SPOCK1: variants seen among roughly 807,000 people sequenced by gnomAD.
SPOCK1 encodes the protein testican-1.
In SPOCK1, 23 loss-of-function variants were observed where a neutral mutation model predicts 55.3. The ratio of observed to expected loss-of-function variants is 0.42; its 90% CI spans 0.30 to 0.59. The LOEUF (loss-of-function observed/expected upper bound fraction) is 0.59, where lower values mean the gene tolerates loss of function less well. SPOCK1 is among the 20% of genes least tolerant of loss of function. The pLI is 0.22. For missense variants in SPOCK1, 499 were observed against 552.5 expected, an observed-to-expected ratio of 0.90 and a Z score of 0.97; for synonymous variants, 226 against 221.0, an observed-to-expected ratio of 1.02 and a Z score of -0.20.
chr5:137,157,919 G>A (rs1239667702), intron 3 of SPOCK1, among the ~76,000 whole-genome samples: 1 of 152,186 alleles, frequency 6.6e-6, no homozygotes, highest in East Asian at 1.9e-4. Context: ...AAAATTGGCT[G>A]GGTGTGGTGG....
rs182730834 is a variant in SPOCK1, at chr5:137,139,813, G to A, written c.347+767C>T. ...CTGACTCCCTTCTTAAAGAAAGCCC[G>A]TTTGCATGTGTATGTTTGTTTGCTT... On this transcript the variant is annotated intron_variant, in intron 4 of 10. Transcript: ENST00000394945. 4.3e-3 allele frequency among the ~76,000 whole-genome samples: 648 copies of A among 152,258 alleles called. 2 individuals are homozygous for A. Among genetic ancestry groups the A allele is most frequent in the African/African-American group, 0.01 (421 of 41,548 alleles).
intron 2 of SPOCK1, among the ~76,000 whole-genome samples, chr5:137,487,355 C>T (rs1404123754): frequency 7.3e-6 from 1 of 137,004 alleles, no homozygotes; most frequent in African/African-American, 2.8e-5. Flanking sequence ...AAAAAAAAAA[C>T]CTCTGGCCAA....
chr5:137,414,744 T>A (rs997049454), intron 2 of SPOCK1, among the ~76,000 whole-genome samples: 4 of 152,198 alleles, frequency 2.6e-5, no homozygotes, highest in African/African-American at 9.7e-5. Context: ...AAGCACTCTG[T>A]GTTTCTGGAA....
At chr5:137,075,974 G>A (rs543020528) in intron 5 of SPOCK1, among the ~76,000 whole-genome samples, 3 of 152,310 alleles carry the variant, frequency 2.0e-5, no homozygotes, top group Non-Finnish European at 4.4e-5. Context: ...CTGGGATTTC[G>A]GAGAATAGTG....
At chr5:137,255,485 C>A (rs1320234196) in intron 3 of SPOCK1, among the ~76,000 whole-genome samples, 10 of 152,180 alleles carry the variant, frequency 6.6e-5, no homozygotes, top group African/African-American at 2.4e-4. Context: ...CAAATGTTTT[C>A]ATCTATTCGT....
intron 2 of SPOCK1, among the ~76,000 whole-genome samples, chr5:137,446,275 T>A (rs538344513): frequency 5.3e-5 from 8 of 151,754 alleles, no homozygotes; most frequent in Non-Finnish European, 1.2e-4. Context: ...TAAAAATCGT[T>A]AACAGCAGAG....
intron 3 of SPOCK1, among the ~76,000 whole-genome samples, chr5:137,231,301 C>T (rs1756057751): frequency 6.6e-6 from 1 of 152,184 alleles, no homozygotes; most frequent in Admixed American, 6.5e-5. Flanking sequence ...CCCACTTCAG[C>T]CTCCCAAAGT....
chr5:137,190,707 T>C (rs1755164763), intron 3 of SPOCK1, among the ~76,000 whole-genome samples: 1 of 152,160 alleles, frequency 6.6e-6, no homozygotes, highest in Admixed American at 6.5e-5. Flanking sequence ...GAAATCCTTT[T>C]CCCACCCTGT....
intron 2 of SPOCK1, among the ~76,000 whole-genome samples, chr5:137,477,369 GT>G (rs371366624): frequency 6.6e-6 from 1 of 151,968 alleles, no homozygotes; most frequent in Admixed American, 6.6e-5. Context: ...TTTTGTTTGT[GT>G]TTTTTTTAAG....
intron 3 of SPOCK1, among the ~76,000 whole-genome samples, chr5:137,150,269 C>A (rs987579595): frequency 6.6e-6 from 1 of 152,104 alleles, no homozygotes; most frequent in African/African-American, 2.4e-5. Flanking sequence ...ATGAAGCCAC[C>A]CTACAACAAA....
At chr5:137,237,366 G>C (rs1348839840) in intron 3 of SPOCK1, among the ~76,000 whole-genome samples, 1 of 152,070 alleles carries the variant, frequency 6.6e-6, no homozygotes, top group Admixed American at 6.5e-5. Context: ...CATCTACTTA[G>C]TCCCAGGAAG....
intron 6 of SPOCK1, among the ~76,000 whole-genome samples, chr5:137,063,796 A>G (rs1752442219): frequency 6.6e-6 from 1 of 152,242 alleles, no homozygotes; most frequent in Non-Finnish European, 1.5e-5. Flanking sequence ...AGCCAATTTG[A>G]GGCAAGCCTC....
intron 2 of SPOCK1, among the ~76,000 whole-genome samples, chr5:137,468,817 T>G (rs2149839096): frequency 6.6e-6 from 1 of 152,254 alleles, no homozygotes; most frequent in South Asian, 2.1e-4. Flanking sequence ...AGTTACATGC[T>G]TTCCTGGGTC....
At chr5:137,406,671 C>T (rs12656994) in intron 2 of SPOCK1, among the ~76,000 whole-genome samples, 3,593 of 152,306 alleles carry the variant, frequency 0.024, 68 homozygotes, top group Non-Finnish European at 0.033. Flanking sequence ...AGTCTCACAG[C>T]GGCCCTCAGA....
intron 2 of SPOCK1, among the ~76,000 whole-genome samples, chr5:137,284,103 A>G (rs1393392583): frequency 1.3e-5 from 2 of 152,236 alleles, no homozygotes; most frequent in East Asian, 3.8e-4. Flanking sequence ...TACATTTTGT[A>G]GCTGAGGAAA....
chr5:137,336,476 C>A (rs991869938), intron 2 of SPOCK1, among the ~76,000 whole-genome samples: 3 of 152,140 alleles, frequency 2.0e-5, no homozygotes, highest in African/African-American at 7.2e-5. Context: ...TCTATAAATT[C>A]CAGAGCTGTG....
intron 6 of SPOCK1, among the ~76,000 whole-genome samples, chr5:137,055,131 C>T (rs552669058): frequency 2.0e-5 from 3 of 152,238 alleles, no homozygotes; most frequent in East Asian, 1.9e-4. Flanking sequence ...CAGCTCAGCT[C>T]GACACAATTA....
intron 3 of SPOCK1, among the ~76,000 whole-genome samples, chr5:137,227,075 G>A (rs912507445): frequency 6.6e-6 from 1 of 152,164 alleles, no homozygotes; most frequent in Admixed American, 6.5e-5. Flanking sequence ...TGTGACAAGG[G>A]GACAAAACAG....
At chr5:137,160,588 TATATA>T (rs1467434609) in intron 3 of SPOCK1, among the ~76,000 whole-genome samples, 89 of 66,582 alleles carry the variant, frequency 1.3e-3, no homozygotes, top group African/African-American at 3.2e-3. Flanking sequence ...ATATATATAA[TATATA>T]ATATATTATA....
Sources: gnomAD v4.1 joint callset for allele counts (sites outside exome capture counted in the v4.1 genomes callset) on GRCh38, gnomAD v4.1.1 for gene constraint, MANE v1.5 for transcripts, NCBI Gene and HGNC (gene_info 2026-07-23, HGNC 2026-07-21) for gene names.